The following ING3 variants were observed in gnomAD, a reference collection of about 807,000 sequenced individuals.
ING3 encodes the protein inhibitor of growth family member 3.
In ING3, 6 loss-of-function variants were observed where a neutral mutation model predicts 64.8. The observed-to-expected ratio is 0.09, with a 90% CI of 0.05 to 0.18. The LOEUF (loss-of-function observed/expected upper bound fraction) is 0.18. Ranked by LOEUF, ING3 falls within the 10% of genes least tolerant of loss-of-function variation. ING3 has a pLI of 1.00. For synonymous variants in ING3, 170 were observed against 173.7 expected (o/e 0.98, Z 0.17); for missense variants, 310 against 489.7 (o/e 0.63, Z 3.46).
At chr7:120,955,715 G>C in intron 4 of ING3, 91 bp downstream of exon 4, 2 of 852,638 alleles carry the variant, frequency 2.3e-6, no homozygotes, top group Non-Finnish European at 3.9e-6. Flanking sequence ...GTAGGAAGAA[G>C]CAACTAAAAC....
At chr7:120,955,695 C>A in intron 4 of ING3, 71 bp downstream of exon 4, 1 of 1,047,054 alleles carries the variant, frequency 9.6e-7, no homozygotes, top group Non-Finnish European at 1.5e-6. Flanking sequence ...ATTGTATTGG[C>A]TTAAATGTAG....
rs1410457990 is a variant in ING3 at position 120,975,588 on chromosome 7, A to AT, written c.*751dup. 4 of 152,124 alleles carry AT rather than the reference A, an allele frequency of 2.6e-5. No individual in the cohort carries two copies. The highest frequency in any genetic ancestry group is 5.9e-5 in the Non-Finnish European group (4 of 67,994). The allele number at this position is 152,124 out of a possible 1,614,324, so 9.4% of individuals were successfully genotyped here. Reference sequence around the variant, plus strand: ...ATACATTTTTATACCAAATGTGTTTATTTTTTTGTGCAAGTAATCCTTAAA... The same window carrying AT: ...ATACATTTTTATACCAAATGTGTTTATTTTTTTTGTGCAAGTAATCCTTAAA... On this transcript the variant is annotated 3_prime_UTR_variant, in exon 12 of 12. Transcript: ENST00000315870.
At chr7:120,957,909 A>G (rs555588954) in intron 4 of ING3, among the ~76,000 whole-genome samples, 1 of 152,220 alleles carries the variant, frequency 6.6e-6, no homozygotes, top group Non-Finnish European at 1.5e-5. Context: ...TTCCTGCTGT[A>G]AAAAAGCAAT....
intron 2 of ING3, among the ~76,000 whole-genome samples, 196 bp from the exon 3 acceptor site, chr7:120,953,108 A>G (rs1023851881): frequency 7.9e-5 from 12 of 152,184 alleles, no homozygotes; most frequent in African/African-American, 2.4e-4. Context: ...TAATCTGTCA[A>G]TAAGGAAAAT....
chr7:120,974,576 GATGTCTAAATA>G (rs944977503), intron 11 of ING3, 141 bp from the exon 12 acceptor site: 12 of 442,384 alleles, frequency 2.7e-5, no homozygotes, highest in African/African-American at 2.2e-4. Context: ...TAGTCTAAAT[GATGTCTAAATA>G]ATCTAGATCT....
intron 10 of ING3, among the ~76,000 whole-genome samples, chr7:120,972,951 A>T (rs927759020): frequency 1.3e-5 from 2 of 152,206 alleles, no homozygotes; most frequent in East Asian, 1.9e-4. Context: ...TGACTCCTTC[A>T]TCCGGGTGAT....
chr7:120,952,378 G>A (rs1795780318), intron 2 of ING3, among the ~76,000 whole-genome samples: 1 of 152,124 alleles, frequency 6.6e-6, no homozygotes, highest in South Asian at 2.1e-4. Flanking sequence ...ACATGGATTA[G>A]AATTTCTAGT....
Position 120,966,676 on chromosome 7 carries a change from C to T in ING3, c.415C>T (p.His139Tyr), listed in dbSNP as rs1355096295. Residue 139 changes from histidine to tyrosine, a missense_variant, in exon 6 of 12, where the codon CAT becomes TAT. By Grantham distance (83) the His-to-Tyr change is moderately conservative. Around this residue, in one of 3 missense-constraint regions of ING3, gnomAD observed 233 missense variants for 289.4 expected, o/e 0.81. Transcript: ENST00000315870. The part of the protein sequence containing the change: ...PSQPVNNHHA[H>Y]SHTPVEKRKY... ...ACAGCCAGTGAACAATCACCATGCT[C>T]ATTCACATACTCCAGTGGAAAGTAA... is the stretch of plus-strand genomic sequence containing the variant. 3.7e-6 allele frequency: 6 copies of T among 1,613,174 alleles called. No individual in the cohort carries two copies. The highest frequency in any genetic ancestry group is 1.7e-5 in the Admixed American group (1 of 60,020).
intron 4 of ING3, among the ~76,000 whole-genome samples, chr7:120,957,819 C>T (rs879485368): frequency 6.6e-6 from 1 of 152,286 alleles, no homozygotes; most frequent in South Asian, 2.1e-4. Flanking sequence ...TGGATCCATG[C>T]AGATGTGAGT....
chr7:120,953,398 C>A lies in ING3; in HGVS notation c.195C>A (p.Ile65=). ...GGAGGGAAGAGCAAATGGCATCCAT[C>A]AAAAAAGTATGTGCAACACTTTGGA... ...PEWREEQMAS[I]KKDYYKALED... The change falls in exon 3 of 12, where the codon ATC becomes ATA. Residue 65 remains isoleucine, a synonymous_variant. Transcript: ENST00000315870. 1.3e-6 allele frequency: 2 copies of A among 1,582,770 alleles called. No individual in the cohort carries two copies. The highest frequency in any genetic ancestry group is 1.7e-6 in the Non-Finnish European group (2 of 1,158,456).
At chr7:120,951,042 G>A in intron 1 of ING3, 118 bp downstream of exon 1, 2 of 1,513,260 alleles carry the variant, frequency 1.3e-6, no homozygotes, top group Non-Finnish European at 1.8e-6. Flanking sequence ...TCTTTCTCAC[G>A]GTAACTGGCA....
intron 9 of ING3, among the ~76,000 whole-genome samples, chr7:120,969,511 C>T (rs1796040403): frequency 6.6e-6 from 1 of 151,006 alleles, no homozygotes; most frequent in African/African-American, 2.4e-5. Context: ...ATTTATTACC[C>T]TTTATTTTGC....
rs1291067028 is a variant in ING3 at position 120,950,779 on chromosome 7, G to A, written c.-118G>A. ...TTTTTTTTCTTTTTTTTTTTTTGCC[G>A]GAGTCGAGCGGGTGCTGCTAGCGGA... On this transcript the variant is annotated 5_prime_UTR_variant, in exon 1 of 12. Coordinates refer to ENST00000315870, the MANE Select transcript of ING3 (RefSeq NM_019071.3). The A allele has an allele frequency of 5.4e-6, 3 of 554,396 alleles. No homozygotes were observed. Among genetic ancestry groups the A allele is most frequent in the Non-Finnish European group, 6.0e-6 (2 of 333,674 alleles). The allele number at this position is 554,396 out of a possible 1,614,324, so 34.3% of individuals were successfully genotyped here.
At chr7:120,963,693 A>C (rs1305932278) in intron 4 of ING3, among the ~76,000 whole-genome samples, 3 of 152,124 alleles carry the variant, frequency 2.0e-5, no homozygotes, top group African/African-American at 2.4e-5. Flanking sequence ...CGTCAAGCAC[A>C]TTACCTCCTC....
intron 2 of ING3, 108 bp downstream of exon 2, chr7:120,951,343 C>CTTATGCACTAGCGGAGTGA: frequency 2.0e-6 from 2 of 1,008,410 alleles, no homozygotes; most frequent in Non-Finnish European, 3.1e-6. Context: ...TGGCTCACTC[C>CTTATGCACTAGCGGAGTGA]GCTAGTGCAT....
In ING3 at chr7:120,956,862, T is replaced by C. The variant is rs1443936136; in HGVS notation, c.267+1238T>C. ...GCCTGCTTTTTAATTCATATAGCTC[T>C]TTGGTTCTATTCTTTGTTTTGTTTA... On this transcript the variant is annotated intron_variant, in intron 4 of 11. Coordinates refer to ENST00000315870, the MANE Select transcript of ING3 (RefSeq NM_019071.3). 3.3e-6 allele frequency: 3 copies of C among 907,620 alleles called. No homozygotes were observed. The African/African-American group carries it at 5.4e-5, about 16-fold the overall frequency. The allele number at this position is 907,620 out of a possible 1,614,324, so 56.2% of individuals were successfully genotyped here. A position where few individuals can be genotyped will look rare whatever the true frequency, so the allele number is the denominator to read the frequency against.
Position 120,964,838 on chromosome 7 carries a change from C to A in ING3, c.364C>A (p.Arg122=). The A allele has an allele frequency of 1.2e-6, 2 of 1,609,228 alleles. No individual in the cohort carries two copies. Among genetic ancestry groups the A allele is most frequent in the Non-Finnish European group, 1.7e-6 (2 of 1,175,964 alleles). ...TGGAATTACAGAAATATTAGAGAGG[C>A]GTAAGTAAAATTTACAGTTTTCCAT... The part of the protein sequence containing the change: ...NAGITEILER[R]SLELDTPSQP... The change falls in exon 5 of 12, where the codon CGA becomes AGA. Residue 122 remains arginine (R), a splice_region_variant and synonymous_variant. Transcript: ENST00000315870.
intron 4 of ING3, among the ~76,000 whole-genome samples, chr7:120,959,692 C>T (rs999767259): frequency 3.3e-5 from 4 of 121,672 alleles, no homozygotes; most frequent in Non-Finnish European, 6.4e-5. Flanking sequence ...TTCGCCCAAG[C>T]TGGACTGCAG....
chr7:120,953,477 A>G, intron 3 of ING3, 73 bp downstream of exon 3: 1 of 846,220 alleles, frequency 1.2e-6, no homozygotes, highest in Admixed American at 2.2e-5. Context: ...AAAATTAAAT[A>G]GTGGTCTGGA....
Sources: gnomAD v4.1 joint callset for allele counts (sites outside exome capture counted in the v4.1 genomes callset) on GRCh38, gnomAD v4.1.1 for gene constraint, gnomAD v4.1.1 regional missense constraint, MANE v1.5 for transcripts, NCBI Gene and HGNC (gene_info 2026-07-23, HGNC 2026-07-21) for gene names.